The following FANK1 variants were observed in gnomAD, a reference collection of about 807,000 sequenced individuals.
FANK1 encodes fibronectin type III and ankyrin repeat domains 1.
A neutral mutation model predicts 45.3 loss-of-function variants in FANK1; 44 were observed. The ratio of observed to expected loss-of-function variants is 0.97; its 90% CI spans 0.76 to 1.25. FANK1 has a LOEUF of 1.25. Among genes scored for constraint, FANK1 ranks in the 50% most tolerant of loss-of-function variants. The pLI is 0.00. For missense variants in FANK1, 391 were observed against 424.4 expected, an observed-to-expected ratio of 0.92 and a Z score of 0.69; for synonymous variants, 149 against 152.5, an observed-to-expected ratio of 0.98 and a Z score of 0.17.
At position 126,007,443 on chromosome 10, in the gene FANK1, G is replaced by T. The variant is rs565735476; in HGVS notation, c.706-964G>T. ...TTATTCTTTAAATATAATGGAGTGT[G>T]TTGCCCACAGGTTAGTTCTTTGCAT... On this transcript the variant is annotated intron_variant, in intron 7 of 10. Transcript: ENST00000368693. Among the ~76,000 whole-genome samples the T allele has an allele frequency of 1.0e-3, 157 of 152,346 alleles. 1 individual carries two copies. The highest frequency in any genetic ancestry group is 3.7e-3 in the African/African-American group (152 of 41,582).
chr10:125,919,944 C>T (rs1367913400), intron 1 of FANK1, among the ~76,000 whole-genome samples: 10 of 152,256 alleles, frequency 6.6e-5, no homozygotes, highest in Middle Eastern at 3.4e-3. Flanking sequence ...TTAAACAAAA[C>T]GACTGTGACT....
intron 3 of FANK1, among the ~76,000 whole-genome samples, chr10:125,992,109 T>C (rs1951988738): frequency 6.6e-6 from 1 of 152,226 alleles, no homozygotes; most frequent in Non-Finnish European, 1.5e-5. Context: ...TCAGTTGCAC[T>C]TATTGATGGC....
chr10:125,929,722 A>G (rs1947622184), intron 1 of FANK1, among the ~76,000 whole-genome samples: 1 of 152,198 alleles, frequency 6.6e-6, no homozygotes, highest in African/African-American at 2.4e-5. Flanking sequence ...AAAACGCACA[A>G]AGCAAGGAAG....
intron 6 of FANK1, among the ~76,000 whole-genome samples, chr10:125,998,320 T>A (rs1199371878): frequency 6.6e-6 from 1 of 152,252 alleles, no homozygotes; most frequent in East Asian, 1.9e-4. Context: ...TCAGAAGGCC[T>A]ATCTTCTACA....
At chr10:125,975,296 G>A (rs1001385999) in intron 1 of FANK1, among the ~76,000 whole-genome samples, 2 of 152,178 alleles carry the variant, frequency 1.3e-5, no homozygotes, top group African/African-American at 2.4e-5. Flanking sequence ...GAACAGTCCT[G>A]CAGTGAACAT....
chr10:125,944,623 T>C (rs1948655339), intron 1 of FANK1, among the ~76,000 whole-genome samples: 1 of 152,174 alleles, frequency 6.6e-6, no homozygotes, highest in African/African-American at 2.4e-5. Flanking sequence ...TTTACAGGAA[T>C]GAGGGCAAGG....
At chr10:125,934,013 A>G (rs1480086004) in intron 1 of FANK1, among the ~76,000 whole-genome samples, 2 of 152,056 alleles carry the variant, frequency 1.3e-5, no homozygotes, top group Non-Finnish European at 2.9e-5. Flanking sequence ...ATATAATTTC[A>G]ATCTTCTTAA....
At chr10:125,943,172 C>G (rs1413399120) in intron 1 of FANK1, among the ~76,000 whole-genome samples, 4 of 152,130 alleles carry the variant, frequency 2.6e-5, no homozygotes. Flanking sequence ...TCTTTAATCA[C>G]CATTGTTTCA....
Position 125,993,896 on chromosome 10 carries a change from G to A in FANK1, c.317-1521G>A, listed in dbSNP as rs117592136. ...TTATTTTTATGAAAGAAAGGAAAAGGTATCGGCTAAAGATCCTTCTGGTAG... is the reference window on the plus strand; with the variant it reads ...TTATTTTTATGAAAGAAAGGAAAAGATATCGGCTAAAGATCCTTCTGGTAG... On this transcript the variant is annotated intron_variant, in intron 3 of 10. Coordinates refer to ENST00000368693, the MANE Select transcript of FANK1 (RefSeq NM_145235.5). Among the ~76,000 whole-genome samples the A allele has an allele frequency of 9.3e-4, 142 of 152,296 alleles. 9 individuals are homozygous for A. In the East Asian group the frequency reaches 0.023, roughly 25 times the overall value.
chr10:125,952,950 G>A lies in FANK1; in HGVS notation c.14-27211G>A, dbSNP rs1470197214. On this transcript the variant is annotated intron_variant, in intron 1 of 10. Transcript: ENST00000368693. ...TTTGCTTTATCCCCATAGGGAGAAA[G>A]CTCAGTGTAGAAAATGCTGTGTTCT... is the stretch of plus-strand genomic sequence containing the variant. Among the ~76,000 whole-genome samples the A allele has an allele frequency of 3.9e-5, 6 of 152,158 alleles. No individual in the cohort carries two copies. In the East Asian group the frequency reaches 9.7e-4, roughly 25 times the overall value.
chr10:126,008,972 G>A (rs999234005), intron 8 of FANK1, 82 bp from the exon 9 acceptor site: 1 of 1,349,324 alleles, frequency 7.4e-7, no homozygotes, highest in Non-Finnish European at 1.0e-6. Context: ...CTGGGACCCT[G>A]CATGTGCCAG....
chr10:125,973,842 C>T (rs370987038), intron 1 of FANK1: 16 of 150,644 alleles, frequency 1.1e-4, no homozygotes, highest in African/African-American at 3.2e-4. Flanking sequence ...TTCTTCCCTT[C>T]AGCTTTTTAA....
intron 2 of FANK1, among the ~76,000 whole-genome samples, chr10:125,981,185 C>G (rs1269391962): frequency 6.6e-6 from 1 of 152,180 alleles, no homozygotes; most frequent in Non-Finnish European, 1.5e-5. Flanking sequence ...ATGCTTCTGG[C>G]ATGAACCAAT....
At chr10:125,958,081 T>C (rs1028966857) in intron 1 of FANK1, among the ~76,000 whole-genome samples, 2 of 152,092 alleles carry the variant, frequency 1.3e-5, no homozygotes, top group African/African-American at 4.8e-5. Flanking sequence ...TTTCTAGCTA[T>C]TTGAAACTAT....
Position 126,009,497 on chromosome 10 carries a change from C to T in FANK1, c.*59C>T, listed in dbSNP as rs1254946711. The T allele has an allele frequency of 8.3e-6, 13 of 1,568,498 alleles. No individual in the cohort carries two copies. The East Asian group carries it at 2.9e-4, about 35-fold the overall frequency. ...AACAAAGTGAACCGTGACTGTTAAACTAGGGATGGGAAATTCTGCATCTTG... is the reference window on the plus strand; with the variant it reads ...AACAAAGTGAACCGTGACTGTTAAATTAGGGATGGGAAATTCTGCATCTTG... On this transcript the variant is annotated 3_prime_UTR_variant, in exon 11 of 11. Coordinates refer to ENST00000368693, the MANE Select transcript of FANK1 (RefSeq NM_145235.5).
At chr10:126,008,642 T>C in intron 8 of FANK1, 92 bp downstream of exon 8, 1 of 1,440,180 alleles carries the variant, frequency 6.9e-7, no homozygotes, top group East Asian at 2.3e-5. Flanking sequence ...AGTTCAGCCC[T>C]GCACCAGCCC....
intron 1 of FANK1, among the ~76,000 whole-genome samples, chr10:125,948,987 C>A (rs1472301860): frequency 6.8e-6 from 1 of 146,680 alleles, no homozygotes; most frequent in Non-Finnish European, 1.5e-5. Context: ...TAAATGTAAT[C>A]CAGCATATAA....
chr10:126,000,773 A>G (rs1952699980), intron 6 of FANK1, among the ~76,000 whole-genome samples: 1 of 152,220 alleles, frequency 6.6e-6, no homozygotes, highest in South Asian at 2.1e-4. Flanking sequence ...TTACAAATGT[A>G]TTAGAGACAA....
At chr10:125,948,178 G>A (rs1447556096) in intron 1 of FANK1, among the ~76,000 whole-genome samples, 1 of 146,886 alleles carries the variant, frequency 6.8e-6, no homozygotes, top group Admixed American at 6.8e-5. Flanking sequence ...ATCCAAAATT[G>A]ACACCCTAAC....
Sources: allele counts gnomAD v4.1 joint callset (sites outside exome capture counted in the v4.1 genomes callset), GRCh38; gene constraint gnomAD v4.1.1; transcripts MANE v1.5; gene names NCBI Gene and HGNC (gene_info 2026-07-23, HGNC 2026-07-21).